MAP6: variants seen among roughly 807,000 people sequenced by gnomAD.
The protein encoded by MAP6 is microtubule-associated protein 6.
In MAP6, 26 loss-of-function variants were observed where a neutral mutation model predicts 42.4. The ratio of observed to expected loss-of-function variants is 0.61; its 90% CI spans 0.45 to 0.85. The LOEUF (loss-of-function observed/expected upper bound fraction) is 0.85, where lower values mean the gene tolerates loss of function less well. Among genes scored for constraint, MAP6 ranks in the 40% least tolerant of loss-of-function variants. The probability of loss-of-function intolerance (pLI) is 0.00; values close to 1 mark genes in which losing one functional copy is unlikely to be tolerated. For synonymous variants in MAP6, 418 were observed against 443.8 expected (o/e 0.94, Z 0.73); for missense variants, 966 against 1,099.0 (o/e 0.88, Z 1.71).
At chr11:75,628,465 C>T (rs1943233090) in intron 1 of MAP6, among the ~76,000 whole-genome samples, 1 of 152,166 alleles carries the variant, frequency 6.6e-6, no homozygotes, top group Non-Finnish European at 1.5e-5. Flanking sequence ...CGAGAGCTTG[C>T]CTCCTCCCCG....
At chr11:75,599,752 C>A (rs576437146) in intron 3 of MAP6, among the ~76,000 whole-genome samples, 1 of 152,272 alleles carries the variant, frequency 6.6e-6, no homozygotes, top group Admixed American at 6.5e-5. Context: ...GCCAGCTGAG[C>A]CTCCTTCAGG....
In MAP6 at chr11:75,668,308, T is replaced by C. The variant is rs1944002051; in HGVS notation, c.62A>G (p.Lys21Arg). The change falls in exon 1 of 4, where the codon AAA becomes AGA. Residue 21 changes from lysine to arginine, a missense_variant. Physicochemically the swap from Lys to Arg is conservative, Grantham distance 26 (BLOSUM62 2). This residue lies in a region of MAP6 where 23 missense variants were observed against 49.1 expected (regional missense o/e 0.47). Transcript: ENST00000304771. ...CIARFWNQLD[K>R]ADIAVPLVFT... ...AACCAGCGGCACAGCGATGTCCGCT[T>C]TGTCCAACTGGTTCCAGAAGCGGGC... 2 of 1,573,060 alleles carry C rather than the reference T, an allele frequency of 1.3e-6. No individual in the cohort carries two copies. Among genetic ancestry groups the C allele is most frequent in the East Asian group, 4.9e-5 (2 of 40,576 alleles).
At chr11:75,639,317 T>C (rs973281296) in intron 1 of MAP6, among the ~76,000 whole-genome samples, 5 of 152,166 alleles carry the variant, frequency 3.3e-5, no homozygotes, top group Admixed American at 6.6e-5. Flanking sequence ...TTAAAAAATA[T>C]ATATCTAAGC....
At chr11:75,608,450 G>C in intron 1 of MAP6, 128 bp from the exon 2 acceptor site, 1 of 728,298 alleles carries the variant, frequency 1.4e-6, no homozygotes, top group Non-Finnish European at 2.3e-6. Context: ...TGTGGCTGGA[G>C]GGTTAGCCTC....
chr11:75,588,315 A>G (rs915942680), intron 3 of MAP6, 131 bp from the exon 4 acceptor site: 1 of 519,494 alleles, frequency 1.9e-6, no homozygotes, highest in African/African-American at 2.0e-5. Flanking sequence ...AGCCAGGAGA[A>G]TATGATTTCT....
chr11:75,628,455 C>T (rs548381648), intron 1 of MAP6, among the ~76,000 whole-genome samples: 16 of 152,268 alleles, frequency 1.1e-4, no homozygotes, highest in East Asian at 3.9e-4. Flanking sequence ...CGGGTCCAAG[C>T]GAGAGCTTGC....
intron 3 of MAP6, chr11:75,602,827 G>T: frequency 1.0e-6 from 1 of 985,422 alleles, no homozygotes; most frequent in Non-Finnish European, 1.2e-6. Flanking sequence ...ACCTACTCAG[G>T]TGGGCCTCAC....
chr11:75,602,158 GC>G (rs1415812613), intron 3 of MAP6, among the ~76,000 whole-genome samples: 1 of 152,042 alleles, frequency 6.6e-6, no homozygotes. Flanking sequence ...TTCCCACCCA[GC>G]CCCCCAGTTT....
chr11:75,591,171 C>T (rs1942470611), intron 3 of MAP6, among the ~76,000 whole-genome samples: 1 of 151,902 alleles, frequency 6.6e-6, no homozygotes, highest in Non-Finnish European at 1.5e-5. Flanking sequence ...TTTTAAACAA[C>T]GATGGAACTT....
intron 2 of MAP6, 86 bp from the exon 3 acceptor site, chr11:75,606,090 A>C: frequency 2.0e-6 from 3 of 1,495,416 alleles, no homozygotes; most frequent in Non-Finnish European, 2.7e-6. Context: ...ATGGTTAATT[A>C]AGGAATGACG....
chr11:75,616,557 T>G (rs1174915890), intron 1 of MAP6, among the ~76,000 whole-genome samples: 1 of 152,204 alleles, frequency 6.6e-6, no homozygotes, highest in Non-Finnish European at 1.5e-5. Flanking sequence ...GTTGCCAAGC[T>G]ATTGTCAGGA....
Position 75,587,198 on chromosome 11 carries a change from GCTGGTA to G in MAP6, c.2297_2302del (p.Val766_Pro767del). On this transcript the variant is annotated inframe_deletion, in exon 4 of 4. Coordinates refer to ENST00000304771, the MANE Select transcript of MAP6 (RefSeq NM_033063.2). ...AGGGACTGCAGGACCTTGGTCCTTT[GCTGGTA>G]CTGGCACCAGAGGATCTTGATCCTT... 3.1e-6 allele frequency: 5 copies of G among 1,614,064 alleles called. No homozygotes were observed. In the South Asian group the frequency reaches 5.5e-5, roughly 18 times the overall value.
chr11:75,614,619 C>T (rs1308302495), intron 1 of MAP6, among the ~76,000 whole-genome samples: 8 of 152,220 alleles, frequency 5.3e-5, no homozygotes, highest in Admixed American at 5.2e-4. Context: ...GCCTAGAAGA[C>T]CCAAACCACC....
At chr11:75,606,761 T>C (rs2135588165) in intron 2 of MAP6, among the ~76,000 whole-genome samples, 1 of 152,178 alleles carries the variant, frequency 6.6e-6, no homozygotes, top group East Asian at 1.9e-4. Context: ...TCCTCCACCA[T>C]TTTCCCCAGA....
intron 1 of MAP6, among the ~76,000 whole-genome samples, chr11:75,628,102 T>C (rs984200581): frequency 1.5e-4 from 23 of 152,122 alleles, no homozygotes; most frequent in Admixed American, 1.3e-4. Flanking sequence ...GCTGGCTAGC[T>C]GGTCTTGGAG....
chr11:75,663,108 C>T (rs555529142), intron 1 of MAP6, among the ~76,000 whole-genome samples: 9 of 151,784 alleles, frequency 5.9e-5, no homozygotes, highest in African/African-American at 2.2e-4. Context: ...ATTACAGGCG[C>T]ACCCCACCAC....
At position 75,606,400 on chromosome 11, in the gene MAP6, A is replaced by C. The variant is rs145010070; in HGVS notation, c.1120-396T>G. 3.7e-3 allele frequency among the ~76,000 whole-genome samples: 557 copies of C among 152,314 alleles called. 2 individuals carry two copies. Among genetic ancestry groups the C allele is most frequent in the African/African-American group, 0.013 (536 of 41,562 alleles). Reference sequence around the variant, plus strand: ...TGAAATGTGAGCAGTGACTTGGGTCACCTTCAGGCGGAAAATTTGAGAGTC... The same window carrying C: ...TGAAATGTGAGCAGTGACTTGGGTCCCCTTCAGGCGGAAAATTTGAGAGTC... On this transcript the variant is annotated intron_variant, in intron 2 of 3. Coordinates refer to ENST00000304771, the MANE Select transcript of MAP6 (RefSeq NM_033063.2).
At chr11:75,620,941 T>C (rs1310827462) in intron 1 of MAP6, among the ~76,000 whole-genome samples, 1 of 152,056 alleles carries the variant, frequency 6.6e-6, no homozygotes, top group Non-Finnish European at 1.5e-5. Flanking sequence ...CCATCCTGGC[T>C]AACACGGTGA....
intron 1 of MAP6, chr11:75,635,977 C>T (rs184725599): frequency 7.7e-4 from 117 of 152,370 alleles, no homozygotes; most frequent in African/African-American, 2.7e-3. Context: ...GCATTATTTT[C>T]TCCACACTGG....
Sources: allele counts gnomAD v4.1 joint callset (sites outside exome capture counted in the v4.1 genomes callset), GRCh38; gene constraint gnomAD v4.1.1; regional missense constraint gnomAD v4.1.1; transcripts MANE v1.5; gene names NCBI Gene and HGNC (gene_info 2026-07-23, HGNC 2026-07-21).